Variants in CORO2B observed in about 807,000 individuals in gnomAD.
CORO2B encodes coronin-2B.
A neutral mutation model predicts 58.8 loss-of-function variants in CORO2B; 26 were observed. That is an observed-to-expected ratio of 0.44 (90% CI 0.32 to 0.61). The LOEUF is 0.61. Ranked by LOEUF, CORO2B falls within the 20% of genes least tolerant of loss-of-function variation. CORO2B has a pLI of 0.04. For synonymous variants in CORO2B, 242 were observed against 253.8 expected, an observed-to-expected ratio of 0.95 and a Z score of 0.44; for missense variants, 460 against 645.1, an observed-to-expected ratio of 0.71 and a Z score of 3.11.
At chr15:68,681,203 A>G (rs1902767972) in intron 2 of CORO2B, among the ~76,000 whole-genome samples, 1 of 139,458 alleles carries the variant, frequency 7.2e-6, no homozygotes, top group African/African-American at 2.7e-5. Context: ...AGAGAGCAAG[A>G]TCTCCCTCCA....
chr15:68,581,719 ACAGATATG>A (rs1899430356), intron 1 of CORO2B, among the ~76,000 whole-genome samples: 1 of 152,168 alleles, frequency 6.6e-6, no homozygotes, highest in African/African-American at 2.4e-5. Flanking sequence ...TGTTTACAAG[ACAGATATG>A]AAGGAGAACC....
chr15:68,620,405 T>C (rs930120934), intron 1 of CORO2B, among the ~76,000 whole-genome samples: 4 of 152,210 alleles, frequency 2.6e-5, no homozygotes, highest in Non-Finnish European at 5.9e-5. Flanking sequence ...ATGTTGGCAG[T>C]GATACACAAA....
intron 2 of CORO2B, among the ~76,000 whole-genome samples, chr15:68,660,562 G>T (rs1566999187): frequency 6.6e-6 from 1 of 151,910 alleles, no homozygotes; most frequent in African/African-American, 2.4e-5. Flanking sequence ...GTAGAGATGG[G>T]GTTTCACCAT....
Position 68,579,020 on chromosome 15 carries a change from G to A in CORO2B, c.-243G>A. On this transcript the variant is annotated 5_prime_UTR_variant, in exon 1 of 12. Transcript: ENST00000261861. ...TCCTGCCTCGCCTTCCTGCGGCGAA[G>A]GAGGCTCATCTATTATAAATGCACA... The A allele has an allele frequency of 1.0e-6, 1 of 984,684 alleles. No individual in the cohort carries two copies. The highest frequency in any genetic ancestry group is 1.2e-6 in the Non-Finnish European group (1 of 829,726). The allele number at this position is 984,684 out of a possible 1,614,324, so 61.0% of individuals were successfully genotyped here.
chr15:68,641,989 G>A (rs1322411415), intron 1 of CORO2B, among the ~76,000 whole-genome samples: 3 of 151,426 alleles, frequency 2.0e-5, no homozygotes. Flanking sequence ...TCAGCCTCCC[G>A]AGGTGCTGGG....
intron 2 of CORO2B, among the ~76,000 whole-genome samples, chr15:68,689,239 C>T (rs1266379276): frequency 6.6e-6 from 1 of 152,000 alleles, no homozygotes; most frequent in Non-Finnish European, 1.5e-5. Context: ...ACCCTCCACC[C>T]CAGGCAGCAA....
chr15:68,616,791 A>G (rs1428343259), intron 1 of CORO2B, among the ~76,000 whole-genome samples: 1 of 152,250 alleles, frequency 6.6e-6, no homozygotes, highest in Non-Finnish European at 1.5e-5. Context: ...AGGATGGCAC[A>G]GTGTGCCAAA....
the CORO2B span, among the ~76,000 whole-genome samples, chr15:68,530,179 G>A: frequency 2.6e-5 from 4 of 152,172 alleles, no homozygotes; most frequent in Non-Finnish European, 5.9e-5. Context: ...CAAAAAATTA[G>A]TTGGGCATGG....
intron 1 of CORO2B, among the ~76,000 whole-genome samples, chr15:68,641,124 A>T (rs558952201): frequency 1.5e-4 from 23 of 152,260 alleles, no homozygotes; most frequent in African/African-American, 5.5e-4. Context: ...CACTGTGGAG[A>T]GGCCAGCCCA....
At chr15:68,544,325 C>G in the CORO2B span, among the ~76,000 whole-genome samples, 3 of 152,210 alleles carry the variant, frequency 2.0e-5, no homozygotes, top group African/African-American at 7.2e-5. Context: ...GTGTGTGACA[C>G]TGGTCATCAT....
chr15:68,553,175 CA>C, the CORO2B span, among the ~76,000 whole-genome samples: 2 of 152,330 alleles, frequency 1.3e-5, no homozygotes, highest in East Asian at 3.9e-4. Context: ...AAAGGCACCA[CA>C]TCCATGTTTG....
chr15:68,618,223 G>C (rs1900419443), intron 1 of CORO2B, among the ~76,000 whole-genome samples: 2 of 152,202 alleles, frequency 1.3e-5, no homozygotes, highest in South Asian at 4.1e-4. Context: ...TTTCTACTCT[G>C]CTTCATTTTT....
intron 2 of CORO2B, among the ~76,000 whole-genome samples, chr15:68,687,230 C>A (rs1350763207): frequency 6.6e-6 from 1 of 152,184 alleles, no homozygotes; most frequent in Non-Finnish European, 1.5e-5. Context: ...GGTCACTGGG[C>A]CAGTGAGTGC....
chr15:68,568,129 C>T, the CORO2B span, among the ~76,000 whole-genome samples: 1 of 152,334 alleles, frequency 6.6e-6, no homozygotes, highest in Non-Finnish European at 1.5e-5. Context: ...CTTGTAGGGT[C>T]AACCTGGGAG....
At chr15:68,558,456 G>A in the CORO2B span, among the ~76,000 whole-genome samples, 1 of 152,102 alleles carries the variant, frequency 6.6e-6, no homozygotes, top group South Asian at 2.1e-4. Context: ...CAGCCTCAGT[G>A]ACCTCCCATG....
chr15:68,713,966 C>T lies in CORO2B; in HGVS notation c.690C>T (p.Phe230=), dbSNP rs1892974671. The part of the protein sequence containing the change: ...CKNHRVNRVV[F]LGNMKRLLTT... ...ACCACAGAGTGAACCGGGTGGTGTT[C>T]CTGGGGAACATGAAGCGGCTCCTCA... Residue 230 remains phenylalanine (F), a synonymous_variant, in exon 6 of 12, where the codon TTC becomes TTT. Transcript: ENST00000261861. 1.9e-6 allele frequency: 3 copies of T among 1,613,924 alleles called. No individual in the cohort carries two copies. The Admixed American group carries it at 5.0e-5, about 27-fold the overall frequency.
At chr15:68,631,062 G>A (rs549026008) in intron 1 of CORO2B, among the ~76,000 whole-genome samples, 78 of 152,264 alleles carry the variant, frequency 5.1e-4, no homozygotes, top group African/African-American at 1.7e-3. Context: ...GGTGCAGGGC[G>A]GTTGGGGGTA....
chr15:68,586,012 G>A (rs1000281411), intron 1 of CORO2B, among the ~76,000 whole-genome samples: 4 of 152,164 alleles, frequency 2.6e-5, no homozygotes, highest in Non-Finnish European at 4.4e-5. Context: ...GCCTTTTCTC[G>A]AGTTAGCCCC....
chr15:68,532,108 CA>C, the CORO2B span, among the ~76,000 whole-genome samples: 1 of 151,986 alleles, frequency 6.6e-6, no homozygotes, highest in Non-Finnish European at 1.5e-5. Context: ...TAATTTTCAA[CA>C]ATTTTATCAT....
Sources: gnomAD v4.1 joint callset for allele counts (sites outside exome capture counted in the v4.1 genomes callset) on GRCh38, gnomAD v4.1.1 for gene constraint, MANE v1.5 for transcripts, NCBI Gene and HGNC (gene_info 2026-07-23, HGNC 2026-07-21) for gene names.